DIAPH2: variants seen among roughly 807,000 people sequenced by gnomAD.
The protein encoded by DIAPH2 is protein diaphanous homolog 2.
A neutral mutation model predicts 92.7 loss-of-function variants in DIAPH2; 35 were observed. That is an observed-to-expected ratio of 0.38 (90% CI 0.29 to 0.50). The LOEUF (loss-of-function observed/expected upper bound fraction) is 0.50, where lower values mean the gene tolerates loss of function less well. Among genes scored for constraint, DIAPH2 ranks in the 20% least tolerant of loss-of-function variants. The pLI is 0.94. For synonymous variants in DIAPH2, 301 were observed against 280.4 expected (o/e 1.07, Z -0.73); for missense variants, 701 against 819.5 (o/e 0.86, Z 1.77).
At chrX:96,856,303 T>C (rs2065038967) in intron 4 of DIAPH2, among the ~76,000 whole-genome samples, 1 of 111,411 alleles carries the variant, frequency 9.0e-6, no homozygotes, top group South Asian at 3.8e-4. Flanking sequence ...CTATTCTAGG[T>C]AACTGTATGC....
intron 22 of DIAPH2, among the ~76,000 whole-genome samples, chrX:97,172,673 A>G (rs1265398883): frequency 1.8e-5 from 2 of 112,304 alleles, no homozygotes; most frequent in East Asian, 5.5e-4. Flanking sequence ...TAGATAATGA[A>G]AAGAGGGCTC....
At chrX:96,727,259 G>C (rs1182577810) in intron 1 of DIAPH2, among the ~76,000 whole-genome samples, 2 of 112,096 alleles carry the variant, frequency 1.8e-5, no homozygotes, top group Non-Finnish European at 3.8e-5. Flanking sequence ...GGCTTGAAAG[G>C]TTTCAAATAA....
In DIAPH2 at chrX:97,583,679, C is replaced by T. The variant is rs1271807899; in HGVS notation, c.3242-15574C>T. Among the ~76,000 whole-genome samples the T allele has an allele frequency of 8.9e-5, 10 of 111,826 alleles. No individual in the cohort carries two copies. The East Asian group carries it at 2.9e-3, about 32-fold the overall frequency. The stretch of plus-strand genomic sequence containing the variant: ...GGAGCCTACAGAGGCAGGCAGGCCT[C>T]CTTGAGCTGTGGTGGGCTCCACCCA... On this transcript the variant is annotated intron_variant, in intron 26 of 26. Coordinates refer to ENST00000324765, the MANE Select transcript of DIAPH2 (RefSeq NM_006729.5).
At chrX:97,294,366 G>T (rs2068625825) in intron 23 of DIAPH2, among the ~76,000 whole-genome samples, 1 of 112,083 alleles carries the variant, frequency 8.9e-6, no homozygotes, top group Non-Finnish European at 1.9e-5. Flanking sequence ...TTAATTTATG[G>T]ATGAGAAAAC....
Position 97,383,987 on chromosome X carries a change from G to A in DIAPH2, c.3088G>A (p.Glu1030Lys). Residue 1030 changes from glutamate to lysine, a missense_variant, in exon 25 of 27, where the codon GAA (glutamate) becomes AAA (lysine). Glu to Lys is a moderately conservative substitution (Grantham distance 56, BLOSUM62 1). Transcript: ENST00000324765. The stretch of plus-strand genomic sequence containing the variant: ...GGCAAAACTTGCAAAAGAGAAAGCT[G>A]AACAAGAAAAGTTAGAACGCCAGAA... ...RRAKLAKEKAEQEKLERQKKK... is the reference protein window; with the variant it reads ...RRAKLAKEKAKQEKLERQKKK... The A allele has an allele frequency of 8.3e-7, 1 of 1,201,266 alleles. No individual in the cohort carries two copies. Among genetic ancestry groups the A allele is most frequent in the East Asian group, 3.0e-5 (1 of 33,508 alleles).
intron 22 of DIAPH2, among the ~76,000 whole-genome samples, chrX:97,193,538 C>T (rs2067673620): frequency 9.0e-6 from 1 of 111,249 alleles, no homozygotes; most frequent in Admixed American, 9.6e-5. Context: ...TTTTATTGTC[C>T]TTGTACTAAG....
intron 19 of DIAPH2, among the ~76,000 whole-genome samples, chrX:97,090,939 C>A (rs1011524629): frequency 1.5e-4 from 17 of 111,947 alleles, no homozygotes; most frequent in African/African-American, 5.2e-4. Flanking sequence ...GAATCTGAGG[C>A]TCATCAACCC....
At chrX:97,475,527 T>G (rs958334023) in intron 26 of DIAPH2, among the ~76,000 whole-genome samples, 42 of 112,083 alleles carry the variant, frequency 3.7e-4, no homozygotes, top group African/African-American at 1.3e-3. Flanking sequence ...TTCAGAGAGA[T>G]AATTCTAATG....
intron 1 of DIAPH2, among the ~76,000 whole-genome samples, chrX:96,709,839 A>G (rs1230621718): frequency 8.9e-6 from 1 of 112,261 alleles, no homozygotes; most frequent in Non-Finnish European, 1.9e-5. Flanking sequence ...TTGAATGATC[A>G]TCGTAGTCAA....
intron 4 of DIAPH2, among the ~76,000 whole-genome samples, chrX:96,800,621 A>G (rs1052404859): frequency 1.6e-4 from 18 of 112,152 alleles, no homozygotes; most frequent in Non-Finnish European, 3.4e-4. Flanking sequence ...TCACTGAACT[A>G]GGTGAGGTGG....
At chrX:96,955,004 A>G (rs774436950) in intron 15 of DIAPH2, among the ~76,000 whole-genome samples, 16 of 112,832 alleles carry the variant, frequency 1.4e-4, no homozygotes, top group Non-Finnish European at 2.8e-4. Flanking sequence ...ACATATATTT[A>G]TAAAGAAAGT....
rs189879259 is a variant in DIAPH2 at position 97,024,793 on chromosome X, T to C, written c.2051-48148T>C. On this transcript the variant is annotated intron_variant, in intron 17 of 26. Coordinates refer to ENST00000324765, the MANE Select transcript of DIAPH2 (RefSeq NM_006729.5). The stretch of plus-strand genomic sequence containing the variant: ...CAAAATAACTGATGTCTTTCCTAAG[T>C]TGAGAATGACCTGATCTGTTAAAAA... 2.5e-3 allele frequency among the ~76,000 whole-genome samples: 282 copies of C among 111,912 alleles called. 1 individual carries two copies. The highest frequency in any genetic ancestry group is 8.5e-3 in the African/African-American group (261 of 30,829).
chrX:97,468,856 T>C (rs911052632), intron 26 of DIAPH2, among the ~76,000 whole-genome samples: 8 of 111,527 alleles, frequency 7.2e-5, no homozygotes, highest in African/African-American at 2.6e-4. Context: ...GTTGGCCTCA[T>C]CAGATACATA....
At chrX:97,250,980 G>T (rs1171390817) in intron 23 of DIAPH2, among the ~76,000 whole-genome samples, 1 of 111,313 alleles carries the variant, frequency 9.0e-6, no homozygotes, top group Non-Finnish European at 1.9e-5. Context: ...CCTTTGAATG[G>T]AGTTTCCAAG....
intron 17 of DIAPH2, among the ~76,000 whole-genome samples, chrX:96,966,721 T>A (rs1296154294): frequency 9.0e-6 from 1 of 111,690 alleles, no homozygotes; most frequent in Non-Finnish European, 1.9e-5. Flanking sequence ...TTTTGCTTGT[T>A]TAAGAAATGC....
chrX:97,023,992 A>G (rs2147873087), intron 17 of DIAPH2, among the ~76,000 whole-genome samples: 1 of 112,130 alleles, frequency 8.9e-6, no homozygotes, highest in Admixed American at 9.4e-5. Flanking sequence ...ATGTAAGTAC[A>G]TAGTTCAGTC....
At chrX:97,005,237 A>G (rs1336259101) in intron 17 of DIAPH2, among the ~76,000 whole-genome samples, 1 of 110,861 alleles carries the variant, frequency 9.0e-6, no homozygotes, top group African/African-American at 3.3e-5. Flanking sequence ...TATTCATCAG[A>G]CATATTGCCT....
intron 26 of DIAPH2, among the ~76,000 whole-genome samples, chrX:97,569,734 A>G (rs937467930): frequency 3.6e-5 from 4 of 110,721 alleles, no homozygotes; most frequent in Admixed American, 1.9e-4. Flanking sequence ...TGGGATCACC[A>G]GATGATCATG....
intron 21 of DIAPH2, among the ~76,000 whole-genome samples, chrX:97,129,146 C>CTTTTCTTTCTTTTCT (rs113199689): frequency 1.1e-4 from 4 of 36,563 alleles, no homozygotes; most frequent in South Asian, 2.4e-3. Context: ...CTTTTCTTTT[C>CTTTTCTTTCTTTTCT]TTTCTTTTCT....
Sources: gnomAD v4.1 joint callset for allele counts (sites outside exome capture counted in the v4.1 genomes callset) on GRCh38, gnomAD v4.1.1 for gene constraint, MANE v1.5 for transcripts, NCBI Gene and HGNC (gene_info 2026-07-23, HGNC 2026-07-21) for gene names.